The following EPB42 variants were observed in gnomAD, a reference collection of about 807,000 sequenced individuals.
EPB42 encodes protein 4.2.
In EPB42, 49 loss-of-function variants were observed where a neutral mutation model predicts 76.9. That is an observed-to-expected ratio of 0.64 (90% CI 0.51 to 0.81). EPB42 has a LOEUF of 0.81. EPB42 is among the 30% of genes least tolerant of loss of function. The pLI is 0.00. For synonymous variants in EPB42, 310 were observed against 338.4 expected (o/e 0.92, Z 0.92); for missense variants, 731 against 867.6 (o/e 0.84, Z 1.98).
chr15:43,223,201 C>A (rs2142337984), upstream of EPB42, among the ~76,000 whole-genome samples: 1 of 152,232 alleles, frequency 6.6e-6, no homozygotes, highest in Non-Finnish European at 1.5e-5. Flanking sequence ...CCTGTAATCC[C>A]AGCTACTTGG....
At position 43,208,201 on chromosome 15, in the gene EPB42, G is replaced by A. The variant is rs374351728; in HGVS notation, c.1075+29C>T. On this transcript the variant is annotated intron_variant, in intron 8 of 12. Transcript: ENST00000441366. Reference sequence around the variant, plus strand: ...GGACTTCAGCTCTGTGCAGCCCTGCGTGGTCCTGGACCCACCCCTAGGCTT... The same window carrying A: ...GGACTTCAGCTCTGTGCAGCCCTGCATGGTCCTGGACCCACCCCTAGGCTT... The A allele has an allele frequency of 2.7e-5, 44 of 1,600,246 alleles. 1 individual carries two copies. In the South Asian group the frequency reaches 3.0e-4, roughly 11 times the overall value.
Position 43,203,204 on chromosome 15 carries a change from GTC to G in EPB42, c.1688_1689del (p.Arg563ThrfsTer9), listed in dbSNP as rs1192278126. The G allele has an allele frequency of 1.2e-6, 2 of 1,614,136 alleles. No homozygotes were observed. On this transcript the variant is annotated frameshift_variant, in exon 11 of 13. Transcript: ENST00000441366. LOFTEE classifies it high-confidence loss of function. The part of the protein sequence containing the change: ...ERNPPENTFL[R>X]LTAMATHSES... ...TCAGAGTGTGTTGCCATGGCGGTGA[GTC>G]TAAGGAAGGTGTTCTCGGGTGGGTT...
At chr15:43,223,186 A>C (rs2042477782), upstream of EPB42, among the ~76,000 whole-genome samples, 1 of 152,078 alleles carries the variant, frequency 6.6e-6, no homozygotes, top group Non-Finnish European at 1.5e-5. Context: ...GCGTGGTGGC[A>C]TGTGCCTGTA....
Position 43,208,698 on chromosome 15 carries a change from T to G in EPB42, c.910A>C (p.Ile304Leu), listed in dbSNP as rs1276168877. 1.2e-6 allele frequency: 2 copies of G among 1,614,050 alleles called. No individual in the cohort carries two copies. The highest frequency in any genetic ancestry group is 2.7e-5 in the African/African-American group (2 of 74,928). The change falls in exon 7 of 13, where the codon ATA (isoleucine) becomes CTA (leucine). Residue 304 changes from isoleucine to leucine, a missense_variant. Physicochemically the swap from Ile to Leu is conservative, Grantham distance 5 (BLOSUM62 2). Coordinates refer to ENST00000441366, the MANE Select transcript of EPB42 (RefSeq NM_001114134.2). ...CCCTCCTCATTATAGTATTCATCTA[T>G]GAGAAGACGCCCACCGGTGCCCTGT... ...SAQGTGGRLLIDEYYNEEGLQ... is the reference protein window; with the variant it reads ...SAQGTGGRLLLDEYYNEEGLQ...
At position 43,215,219 on chromosome 15, in the gene EPB42, C is replaced by T. The variant is rs771613523; in HGVS notation, c.306G>A (p.Trp102Ter). 4.3e-6 allele frequency: 7 copies of T among 1,614,180 alleles called. No homozygotes were observed. Among genetic ancestry groups the T allele is most frequent in the Non-Finnish European group, 1.7e-6 (2 of 1,180,042 alleles). The change falls in exon 3 of 13, where the codon TGG becomes TGA. Residue 102 changes from tryptophan to a stop codon, truncating the protein, a stop_gained. Transcript: ENST00000441366. LOFTEE classifies it high-confidence loss of function. ...CCGCAGGTGTGGTCACAGAGATGGTCCAGGACTGGGCATCTCTCTCCTCCA... is the reference window on the plus strand; with the variant it reads ...CCGCAGGTGTGGTCACAGAGATGGTTCAGGACTGGGCATCTCTCTCCTCCA... ...AVVEERDAQS[W>*]TISVTTPADA... is the part of the protein sequence containing the mutation.
At chr15:43,201,582 A>G (rs1319504685) in intron 12 of EPB42, among the ~76,000 whole-genome samples, 1 of 152,210 alleles carries the variant, frequency 6.6e-6, no homozygotes, top group African/African-American at 2.4e-5. Context: ...AGCAACACCC[A>G]GGCTCTCCCT....
In EPB42 at chr15:43,197,297, GA is replaced by G; in HGVS notation, c.*4del. The G allele has an allele frequency of 6.2e-7, 1 of 1,614,192 alleles. No homozygotes were observed. The highest frequency in any genetic ancestry group is 8.5e-7 in the Non-Finnish European group (1 of 1,180,022). On this transcript the variant is annotated 3_prime_UTR_variant, in exon 13 of 13. Coordinates refer to ENST00000441366, the MANE Select transcript of EPB42 (RefSeq NM_001114134.2). ...TGGCAGGAGAGTGGTGATAGAGCTG[GA>G]AGTTTAAGCTGATAGTTCAGGGGCT...
In EPB42 at chr15:43,208,641, T is replaced by G; in HGVS notation, c.967A>C (p.Ile323Leu). 1 of 1,614,046 alleles carries G rather than the reference T, an allele frequency of 6.2e-7. No individual in the cohort carries two copies. Among genetic ancestry groups the G allele is most frequent in the Non-Finnish European group, 8.5e-7 (1 of 1,179,926 alleles). Residue 323 changes from isoleucine (I) to leucine (L), a missense_variant, in exon 7 of 13, where the codon ATC becomes CTC. Coordinates refer to ENST00000441366, the MANE Select transcript of EPB42 (RefSeq NM_001114134.2). ...LQNGEGQRGR[I>L]WIFQTSTECW... is the part of the protein sequence containing the mutation. ...CATCTCCCTTGGGCTTCTCACCAGA[T>G]TCTGCCTCTCTGGCCTTCTCCGTTC...
rs1194036812 is a variant in EPB42, at chr15:43,208,296, G to A, written c.1009C>T (p.Pro337Ser). 7 of 1,614,016 alleles carry A rather than the reference G, an allele frequency of 4.3e-6. No individual in the cohort carries two copies. The highest frequency in any genetic ancestry group is 5.9e-6 in the Non-Finnish European group (7 of 1,179,994). Residue 337 changes from proline to serine, a missense_variant, in exon 8 of 13, where the codon CCT becomes TCT. Physicochemically the swap from Pro to Ser is moderately conservative, Grantham distance 74 (BLOSUM62 -1). Coordinates refer to ENST00000441366, the MANE Select transcript of EPB42 (RefSeq NM_001114134.2). ...CCATCATAACCCTGGGGCAAGGCAGGCCGCGTCATCCAGCACTCTGTGGAA... is the reference window on the plus strand; with the variant it reads ...CCATCATAACCCTGGGGCAAGGCAGACCGCGTCATCCAGCACTCTGTGGAA... Reference protein sequence around the residue: ...QTSTECWMTRPALPQGYDGWQ... With the variant: ...QTSTECWMTRSALPQGYDGWQ...
chr15:43,223,888 C>T (rs560671493), upstream of EPB42, among the ~76,000 whole-genome samples: 4 of 152,260 alleles, frequency 2.6e-5, no homozygotes, highest in South Asian at 2.1e-4. Flanking sequence ...ACATGAAAAT[C>T]GCTTGACCTG....
At position 43,206,605 on chromosome 15, in the gene EPB42, A is replaced by G; in HGVS notation, c.1343T>C (p.Leu448Pro). Residue 448 changes from leucine to proline, a missense_variant, in exon 10 of 13, where the codon CTG becomes CCG. Physicochemically the swap from Leu to Pro is moderately conservative, Grantham distance 98. Coordinates refer to ENST00000441366, the MANE Select transcript of EPB42 (RefSeq NM_001114134.2). This position sits in a 1 kb window ranked among gnomAD's most constrained non-coding sequence, Gnocchi z 4.7. Reference protein sequence around the residue: ...PEGSLQEKEVLERVEKEKMER... With the variant: ...PEGSLQEKEVPERVEKEKMER... ...CATTTTCTCTTTCTCGACTCTCTCC[A>G]GCACCTCTTTTTCCTGAAGAGACCC... The G allele has an allele frequency of 6.2e-7, 1 of 1,614,154 alleles. No individual in the cohort carries two copies. The highest frequency in any genetic ancestry group is 8.5e-7 in the Non-Finnish European group (1 of 1,180,024).
At chr15:43,225,639 C>T (rs906666666), upstream of EPB42, among the ~76,000 whole-genome samples, 1 of 152,144 alleles carries the variant, frequency 6.6e-6, no homozygotes, top group African/African-American at 2.4e-5. Context: ...AGCTTCTATT[C>T]CAGCAGGGGG....
chr15:43,214,687 G>GGA (rs1338276793), intron 3 of EPB42, among the ~76,000 whole-genome samples: 3 of 152,022 alleles, frequency 2.0e-5, no homozygotes, highest in African/African-American at 7.2e-5. Context: ...GAATAGCCGG[G>GGA]GAGAGAGAGA....
upstream of EPB42, among the ~76,000 whole-genome samples, chr15:43,221,925 C>T (rs2042465388): frequency 6.6e-6 from 1 of 151,800 alleles, no homozygotes; most frequent in Non-Finnish European, 1.5e-5. Context: ...GGCGGATCAC[C>T]TGAGGTCAGG....
intron 1 of EPB42, among the ~76,000 whole-genome samples, chr15:43,219,675 C>G (rs900153246): frequency 6.6e-6 from 1 of 152,216 alleles, no homozygotes. Flanking sequence ...TGGCCAGGCG[C>G]AGTGGCTCAC....
chr15:43,213,364 C>T (rs2042329038), intron 3 of EPB42, among the ~76,000 whole-genome samples: 1 of 152,134 alleles, frequency 6.6e-6, no homozygotes, highest in African/African-American at 2.4e-5. Flanking sequence ...GGCAAGATGA[C>T]ACTGAGATGC....
intron 6 of EPB42, 57 bp downstream of exon 6, chr15:43,209,217 G>T: frequency 1.3e-6 from 2 of 1,597,442 alleles, no homozygotes; most frequent in South Asian, 2.2e-5. Context: ...TTCCCACATG[G>T]GAGGCCAGGG....
intron 11 of EPB42, among the ~76,000 whole-genome samples, chr15:43,202,533 T>C (rs7162971): frequency 0.04 from 6,085 of 152,282 alleles, 380 homozygotes; most frequent in African/African-American, 0.12. Flanking sequence ...GCTTCACTTA[T>C]TCCATAGCAA....
chr15:43,199,785 G>A (rs1244540401), intron 12 of EPB42, among the ~76,000 whole-genome samples: 1 of 152,166 alleles, frequency 6.6e-6, no homozygotes, highest in Non-Finnish European at 1.5e-5. Context: ...AATTATGGGA[G>A]CTGGTCTTTC....
Sources: allele counts gnomAD v4.1 joint callset (sites outside exome capture counted in the v4.1 genomes callset), GRCh38; gene constraint gnomAD v4.1.1; non-coding constraint Gnocchi (gnomAD v3.1); transcripts MANE v1.5; gene names NCBI Gene and HGNC (gene_info 2026-07-23, HGNC 2026-07-21).